Variants in CPNE3 observed in about 807,000 individuals in gnomAD.
CPNE3 encodes the protein copine 3, also known as copine-3.
CPNE3 carries 68 observed loss-of-function variants against 63.9 expected under a neutral mutation model. That is an observed-to-expected ratio of 1.06 (90% CI 0.87 to 1.30). The LOEUF (loss-of-function observed/expected upper bound fraction) is 1.30. Ranked by LOEUF, CPNE3 falls within the 50% of genes most tolerant of loss-of-function variation. The pLI is 0.00. For synonymous variants in CPNE3, 219 were observed against 197.5 expected (o/e 1.11, Z -0.91); for missense variants, 665 against 578.1 (o/e 1.15, Z -1.54).
intron 6 of CPNE3, among the ~76,000 whole-genome samples, chr8:86,535,989 T>C (rs1820794461): frequency 6.6e-6 from 1 of 152,126 alleles, no homozygotes; most frequent in South Asian, 2.1e-4. Context: ...AGGGATTGCT[T>C]TTTTAAAAAA....
At chr8:86,555,208 A>C (rs1309313799) in intron 15 of CPNE3, among the ~76,000 whole-genome samples, 4 of 151,672 alleles carry the variant, frequency 2.6e-5, no homozygotes, top group Non-Finnish European at 4.4e-5. Flanking sequence ...TTATCCTTGG[A>C]ATTAACTTTC....
intron 2 of CPNE3, among the ~76,000 whole-genome samples, chr8:86,528,159 A>G (rs1287172454): frequency 6.6e-6 from 1 of 151,906 alleles, no homozygotes; most frequent in Non-Finnish European, 1.5e-5. Context: ...TGTCTTGCCC[A>G]TGATGGTCTC....
Position 86,554,913 on chromosome 8 carries a change from A to C in CPNE3, c.1183A>C (p.Thr395Pro). 1 of 1,614,138 alleles carries C rather than the reference A, an allele frequency of 6.2e-7. No homozygotes were observed. The highest frequency in any genetic ancestry group is 8.5e-7 in the Non-Finnish European group (1 of 1,180,028). The change falls in exon 15 of 17, where the codon ACT becomes CCT. Residue 395 changes from threonine (T) to proline (P), a missense_variant. Transcript: ENST00000517490. The stretch of plus-strand genomic sequence containing the variant: ...TCCTCAGATAAAACTCTATGGACCA[A>C]CTAATTTTTCTCCAATCATAAATCA... ...CLPQIKLYGP[T>P]NFSPIINHVA...
rs1004689805 is a variant in CPNE3, at chr8:86,514,857, G to C, written c.-49+316G>C. On this transcript the variant is annotated intron_variant, in intron 1 of 16. Transcript: ENST00000517490. ...CCTGGGCCTGGCGCTCGCGCACCTG[G>C]GGCTGGGGATAGGCTGGGATCCGCC... 2 of 152,400 alleles carry C rather than the reference G, an allele frequency of 1.3e-5. 1 individual carries two copies. The highest frequency in any genetic ancestry group is 4.1e-4 in the South Asian group (2 of 4,838). The allele number at this position is 152,400 out of a possible 1,614,324, so 9.4% of individuals were successfully genotyped here.
At chr8:86,516,909 TTCAAAGATTCATAATGCCACCACTGC>T (rs1235658325) in intron 2 of CPNE3, among the ~76,000 whole-genome samples, 1 of 152,252 alleles carries the variant, frequency 6.6e-6, no homozygotes, top group Non-Finnish European at 1.5e-5. Flanking sequence ...TCATTTGACC[TTCAAAGATTCATAATGCCACCACTGC>T]TCACCAAAGC....
At chr8:86,528,487 T>A (rs1189125725) in intron 2 of CPNE3, 49 bp from the exon 3 acceptor site, 2 of 1,603,932 alleles carry the variant, frequency 1.2e-6, no homozygotes, top group African/African-American at 2.7e-5. Context: ...TGAGTGTGCT[T>A]CTTAAAGGCA....
chr8:86,551,273 G>C (rs748479111), intron 14 of CPNE3, 39 bp downstream of exon 14: 2 of 1,314,978 alleles, frequency 1.5e-6, no homozygotes, highest in Admixed American at 1.7e-5. Context: ...CAAATGGAAA[G>C]GCTCACTAGT....
At chr8:86,557,217 T>G (rs55712468) in intron 16 of CPNE3, among the ~76,000 whole-genome samples, 100,042 of 151,954 alleles carry the variant, frequency 0.66, 33,935 homozygotes, top group Non-Finnish European at 0.74. Flanking sequence ...TACTGCAACT[T>G]CCGCCTCCTG....
intron 2 of CPNE3, among the ~76,000 whole-genome samples, chr8:86,525,952 C>T (rs1176901185): frequency 2.0e-5 from 3 of 152,126 alleles, no homozygotes; most frequent in African/African-American, 4.8e-5. Context: ...TGCAAAAAAA[C>T]AGTATGCCTG....
At chr8:86,551,925 C>G (rs1037053874) in intron 14 of CPNE3, among the ~76,000 whole-genome samples, 2 of 152,234 alleles carry the variant, frequency 1.3e-5, no homozygotes, top group African/African-American at 4.8e-5. Flanking sequence ...CTTGGCCTCC[C>G]AAAGTACTGG....
At chr8:86,551,014 C>T (rs1364574045) in intron 12 of CPNE3, 32 bp from the exon 13 acceptor site, 2 of 1,519,208 alleles carry the variant, frequency 1.3e-6, no homozygotes, top group South Asian at 1.3e-5. Flanking sequence ...TTGGAAAAAA[C>T]AGTATTTTAT....
intron 12 of CPNE3, among the ~76,000 whole-genome samples, chr8:86,548,842 A>G (rs1563698203): frequency 6.6e-6 from 1 of 150,906 alleles, no homozygotes; most frequent in Non-Finnish European, 1.5e-5. Flanking sequence ...GTTAAATACT[A>G]AATACTATTT....
intron 8 of CPNE3, among the ~76,000 whole-genome samples, chr8:86,542,450 G>A (rs1383265923): frequency 2.0e-5 from 3 of 151,982 alleles, no homozygotes; most frequent in African/African-American, 7.2e-5. Flanking sequence ...TATCTGTGTG[G>A]TGTGTGCATT....
At chr8:86,527,291 G>A (rs781314511) in intron 2 of CPNE3, among the ~76,000 whole-genome samples, 1 of 152,112 alleles carries the variant, frequency 6.6e-6, no homozygotes, top group Non-Finnish European at 1.5e-5. Flanking sequence ...GATGGGAAAT[G>A]CAATGCCTAG....
chr8:86,535,453 A>G (rs1218221380), intron 6 of CPNE3, among the ~76,000 whole-genome samples: 1 of 151,972 alleles, frequency 6.6e-6, no homozygotes, highest in Non-Finnish European at 1.5e-5. Flanking sequence ...GGAACACTTG[A>G]GGTCAGGAGT....
intron 8 of CPNE3, among the ~76,000 whole-genome samples, chr8:86,542,163 G>A (rs1820955310): frequency 6.6e-6 from 1 of 152,072 alleles, no homozygotes; most frequent in East Asian, 1.9e-4. Context: ...ACACAACTTG[G>A]TTTGCTACGT....
intron 14 of CPNE3, 188 bp downstream of exon 14, chr8:86,551,422 G>A (rs1821175572): frequency 1.8e-6 from 1 of 564,254 alleles, no homozygotes; most frequent in Non-Finnish European, 3.1e-6. Context: ...TGGTGGTTAG[G>A]GTGGTAATGG....
At chr8:86,535,319 A>C (rs1022773282) in intron 6 of CPNE3, among the ~76,000 whole-genome samples, 4 of 132,872 alleles carry the variant, frequency 3.0e-5, no homozygotes, top group Non-Finnish European at 6.9e-5. Context: ...TACAGAAAAG[A>C]CTTTTTTTTT....
Position 86,544,754 on chromosome 8 carries a change from T to C in CPNE3, c.648T>C (p.Asp216=). The C allele has an allele frequency of 6.5e-7, 1 of 1,530,444 alleles. No homozygotes were observed. The highest frequency in any genetic ancestry group is 1.9e-5 in the Admixed American group (1 of 51,666). The allele number at this position is 1,530,444 out of a possible 1,614,324, so 94.8% of individuals were successfully genotyped here. ...TTTAATTTCAGGTGGAGTGTTATGA[T>C]TATGACAATGATGGGTCACATGATC... is the stretch of plus-strand genomic sequence containing the variant. ...MDKTIKVECY[D]YDNDGSHDLI... The change falls in exon 9 of 17, where the codon GAT becomes GAC. Residue 216 remains aspartate (D), a synonymous_variant. Transcript: ENST00000517490.
Sources: allele counts gnomAD v4.1 joint callset (sites outside exome capture counted in the v4.1 genomes callset), GRCh38; gene constraint gnomAD v4.1.1; transcripts MANE v1.5; gene names NCBI Gene and HGNC (gene_info 2026-07-23, HGNC 2026-07-21).